The following CRTAC1 variants were observed in gnomAD, a reference collection of about 807,000 sequenced individuals.
The protein encoded by CRTAC1 is acidic secreted protein in cartilage.
In CRTAC1, 37 loss-of-function variants were observed where a neutral mutation model predicts 67.8. The observed-to-expected ratio is 0.55, with a 90% CI of 0.42 to 0.72. The LOEUF (loss-of-function observed/expected upper bound fraction) is 0.72, where lower values mean the gene tolerates loss of function less well. Ranked by LOEUF, CRTAC1 falls within the 30% of genes least tolerant of loss-of-function variation. The pLI, the probability that CRTAC1 is intolerant of heterozygous loss-of-function variation, is 0.00. For synonymous variants in CRTAC1, 348 were observed against 371.0 expected (o/e 0.94, Z 0.71); for missense variants, 780 against 931.6 (o/e 0.84, Z 2.12).
chr10:98,005,100 ATT>A (rs10683960), intron 2 of CRTAC1, among the ~76,000 whole-genome samples: 136 of 48,858 alleles, frequency 2.8e-3, no homozygotes, highest in Non-Finnish European at 3.9e-3. Context: ...ATATATATAT[ATT>A]TTTTTTTTTT....
chr10:97,875,567 G>A (rs484290), intron 14 of CRTAC1, among the ~76,000 whole-genome samples: 64,520 of 152,004 alleles, frequency 0.42, 14,651 homozygotes, highest in South Asian at 0.56. Context: ...CATGTTCCTG[G>A]CCCCTGTGGC....
intron 2 of CRTAC1, among the ~76,000 whole-genome samples, chr10:98,003,886 G>A (rs1033067711): frequency 3.3e-5 from 5 of 152,172 alleles, no homozygotes; most frequent in Admixed American, 3.3e-4. Flanking sequence ...GTGAGGGGGT[G>A]GAAGTGGAAT....
intron 2 of CRTAC1, among the ~76,000 whole-genome samples, chr10:97,953,496 G>C (rs1463443234): frequency 6.6e-6 from 1 of 152,150 alleles, no homozygotes; most frequent in Admixed American, 6.5e-5. Flanking sequence ...TCCCTTAGAG[G>C]AACACTGTCT....
intron 6 of CRTAC1, among the ~76,000 whole-genome samples, chr10:97,906,561 C>T (rs1016806015): frequency 4.6e-5 from 7 of 152,190 alleles, no homozygotes; most frequent in Admixed American, 4.6e-4. Flanking sequence ...ATCTCTTTAA[C>T]ACCTTATCAA....
At chr10:97,914,903 C>T (rs1265391832) in intron 5 of CRTAC1, among the ~76,000 whole-genome samples, 7 of 152,160 alleles carry the variant, frequency 4.6e-5, no homozygotes, top group Non-Finnish European at 8.8e-5. Flanking sequence ...CCCTCGAGTC[C>T]CCCGAGAGCT....
At chr10:97,942,067 C>T (rs1590225958) in intron 2 of CRTAC1, among the ~76,000 whole-genome samples, 1 of 152,328 alleles carries the variant, frequency 6.6e-6, no homozygotes, top group East Asian at 1.9e-4. Flanking sequence ...TTTGGTCCTA[C>T]AGTGAGCTCC....
In CRTAC1 at chr10:97,957,163, C is replaced by T. The variant is rs984658716; in HGVS notation, c.225-20797G>A. On this transcript the variant is annotated intron_variant, in intron 2 of 14. Transcript: ENST00000370597. ...GGACCTCTCTTTGGGGAGGAGTGGG[C>T]GATGCTTTAAAAAGACATTGGGACA... Among the ~76,000 whole-genome samples the T allele has an allele frequency of 4.6e-5, 7 of 151,882 alleles. No individual in the cohort carries two copies. In the East Asian group the frequency reaches 1.4e-3, roughly 29 times the overall value.
chr10:97,923,179 C>T, intron 4 of CRTAC1, 85 bp downstream of exon 4: 1 of 1,544,544 alleles, frequency 6.5e-7, no homozygotes, highest in Non-Finnish European at 8.9e-7. Flanking sequence ...GGAGACGCCA[C>T]TCTGTCAGGG....
chr10:98,005,098 A>ATCTTTTTTTTTTTT (rs1347220699), intron 2 of CRTAC1, among the ~76,000 whole-genome samples: 1 of 38,212 alleles, frequency 2.6e-5, no homozygotes. Context: ...ATATATATAT[A>ATCTTTTTTTTTTTT]TATTTTTTTT....
intron 11 of CRTAC1, among the ~76,000 whole-genome samples, chr10:97,889,182 C>T (rs2050328814): frequency 6.6e-6 from 1 of 151,590 alleles, no homozygotes; most frequent in African/African-American, 2.4e-5. Context: ...CTGCCTGAGC[C>T]AGTGACTCCC....
intron 11 of CRTAC1, among the ~76,000 whole-genome samples, chr10:97,886,931 C>T (rs1028785531): frequency 8.6e-5 from 13 of 152,016 alleles, no homozygotes; most frequent in Admixed American, 4.6e-4. Flanking sequence ...AGACGTGACC[C>T]ACCACACCCG....
intron 2 of CRTAC1, among the ~76,000 whole-genome samples, chr10:97,973,054 T>C (rs565575496): frequency 6.6e-6 from 1 of 152,348 alleles, no homozygotes; most frequent in South Asian, 2.1e-4. Context: ...AAACAGTGTC[T>C]GGAAAGAAGA....
chr10:97,994,394 A>C (rs907859333), intron 2 of CRTAC1, among the ~76,000 whole-genome samples: 4 of 152,174 alleles, frequency 2.6e-5, no homozygotes, highest in African/African-American at 4.8e-5. Context: ...CTGGTCTACA[A>C]ATGGGCTTCT....
intron 11 of CRTAC1, among the ~76,000 whole-genome samples, chr10:97,890,456 T>G (rs1310634765): frequency 6.6e-6 from 1 of 152,138 alleles, no homozygotes; most frequent in Non-Finnish European, 1.5e-5. Flanking sequence ...CAGAAACAAT[T>G]GGAAAATATC....
chr10:98,024,795 CCACA>C (rs112213274), intron 1 of CRTAC1, among the ~76,000 whole-genome samples: 3,463 of 118,402 alleles, frequency 0.029, 163 homozygotes, highest in African/African-American at 0.097. Flanking sequence ...CACCTCTCCA[CCACA>C]CACACACACA....
intron 11 of CRTAC1, among the ~76,000 whole-genome samples, chr10:97,889,251 A>C (rs1282882044): frequency 6.8e-6 from 1 of 147,844 alleles, no homozygotes; most frequent in Admixed American, 6.7e-5. Context: ...CGGGTTTGGG[A>C]GTGAGCTGCC....
rs189034553 is a variant in CRTAC1 at position 97,954,064 on chromosome 10, G to A, written c.225-17698C>T. ...GGGCTGCCGTGGCATCGCCCTGGGAGAAACATCTTTGCAGCTGAGGAGCGT... is the reference window on the plus strand; with the variant it reads ...GGGCTGCCGTGGCATCGCCCTGGGAAAAACATCTTTGCAGCTGAGGAGCGT... On this transcript the variant is annotated intron_variant, in intron 2 of 14. Coordinates refer to ENST00000370597, the MANE Select transcript of CRTAC1 (RefSeq NM_018058.7). 5.3e-5 allele frequency among the ~76,000 whole-genome samples: 8 copies of A among 152,284 alleles called. No homozygotes were observed. In the East Asian group the frequency reaches 1.5e-3, roughly 29 times the overall value.
At chr10:98,015,705 A>G (rs973435314) in intron 1 of CRTAC1, among the ~76,000 whole-genome samples, 1 of 152,186 alleles carries the variant, frequency 6.6e-6, no homozygotes, top group Non-Finnish European at 1.5e-5. Context: ...AGTGCTCTAT[A>G]TCAGTGCCTC....
Position 97,895,734 on chromosome 10 carries a change from C to T in CRTAC1, c.1317+151G>A. ...GCGGCCCTTCCTGAGCTTCCCGGTGCTGCTGGAATTTACTTCCCTCCTCCA... is the reference window on the plus strand; with the variant it reads ...GCGGCCCTTCCTGAGCTTCCCGGTGTTGCTGGAATTTACTTCCCTCCTCCA... On this transcript the variant is annotated intron_variant, in intron 10 of 14. Transcript: ENST00000370597. The surrounding 1 kb of genome is among the most constrained non-coding windows in gnomAD (Gnocchi z 4.2). The T allele has an allele frequency of 3.1e-6, 2 of 644,250 alleles. No individual in the cohort carries two copies. The highest frequency in any genetic ancestry group is 5.3e-6 in the Non-Finnish European group (2 of 379,312). The allele number at this position is 644,250 out of a possible 1,614,324, so 39.9% of individuals were successfully genotyped here.
Sources: allele counts gnomAD v4.1 joint callset (sites outside exome capture counted in the v4.1 genomes callset), GRCh38; gene constraint gnomAD v4.1.1; non-coding constraint Gnocchi (gnomAD v3.1); transcripts MANE v1.5; gene names NCBI Gene and HGNC (gene_info 2026-07-23, HGNC 2026-07-21).